The following CPPED1 variants were observed in gnomAD, a reference collection of about 807,000 sequenced individuals.
CPPED1 encodes calcineurin like phosphoesterase domain containing 1, also known as serine/threonine-protein phosphatase CPPED1.
A neutral mutation model predicts 28.0 loss-of-function variants in CPPED1; 28 were observed. The ratio of observed to expected loss-of-function variants is 1.00; its 90% CI spans 0.74 to 1.37. CPPED1 has a LOEUF of 1.37. Ranked by LOEUF, CPPED1 falls within the 40% of genes most tolerant of loss-of-function variation. The pLI, the probability that CPPED1 is intolerant of heterozygous loss-of-function variation, is 0.00. For synonymous variants in CPPED1, 198 were observed against 180.2 expected, an observed-to-expected ratio of 1.10 and a Z score of -0.79; for missense variants, 504 against 416.5, an observed-to-expected ratio of 1.21 and a Z score of -1.83.
At chr16:12,666,780 T>C (rs1375949453) in intron 3 of CPPED1, among the ~76,000 whole-genome samples, 1 of 152,242 alleles carries the variant, frequency 6.6e-6, no homozygotes, top group Non-Finnish European at 1.5e-5. Flanking sequence ...GAGTATTTAT[T>C]ACCTTTGCTT....
At chr16:12,702,726 G>A (rs1008513800) in intron 3 of CPPED1, among the ~76,000 whole-genome samples, 6 of 151,988 alleles carry the variant, frequency 3.9e-5, no homozygotes, top group South Asian at 2.1e-4. Flanking sequence ...GGCCAGCTGC[G>A]GTGGCTCACA....
chr16:12,705,490 G>C (rs1282861892), intron 2 of CPPED1, among the ~76,000 whole-genome samples: 2 of 152,192 alleles, frequency 1.3e-5, no homozygotes, highest in African/African-American at 4.8e-5. Flanking sequence ...GGGCGTGGTG[G>C]CTCATGCCTG....
At chr16:12,741,805 C>T (rs999116530) in intron 2 of CPPED1, among the ~76,000 whole-genome samples, 5 of 152,208 alleles carry the variant, frequency 3.3e-5, no homozygotes, top group Non-Finnish European at 7.3e-5. Flanking sequence ...AATCCCAGTT[C>T]TTTGGGAGGC....
At chr16:12,736,176 A>G (rs1235887003) in intron 2 of CPPED1, among the ~76,000 whole-genome samples, 2 of 152,078 alleles carry the variant, frequency 1.3e-5, no homozygotes, top group Non-Finnish European at 2.9e-5. Context: ...AGTGGGCTGT[A>G]GACTGTGTAG....
chr16:12,678,503 G>A (rs190450931), intron 3 of CPPED1, among the ~76,000 whole-genome samples: 22 of 152,254 alleles, frequency 1.4e-4, no homozygotes, highest in South Asian at 1.0e-3. Flanking sequence ...GGGAAATGCC[G>A]TATTAACATT....
intron 3 of CPPED1, among the ~76,000 whole-genome samples, chr16:12,669,440 G>A (rs746757931): frequency 5.3e-5 from 8 of 152,068 alleles, no homozygotes; most frequent in Admixed American, 6.6e-5. Context: ...ATATTAAAAC[G>A]ACTAAATTTG....
chr16:12,755,626 A>AT (rs2080361408), intron 2 of CPPED1, among the ~76,000 whole-genome samples: 1 of 152,162 alleles, frequency 6.6e-6, no homozygotes, highest in Non-Finnish European at 1.5e-5. Flanking sequence ...ATGTTAGGGC[A>AT]TTTTTGTGAT....
chr16:12,696,923 C>T (rs781647872), intron 3 of CPPED1, among the ~76,000 whole-genome samples: 14 of 152,128 alleles, frequency 9.2e-5, no homozygotes, highest in Admixed American at 5.9e-4. Flanking sequence ...TATAGGACCC[C>T]CTGCCCACCG....
chr16:12,688,176 G>A (rs2079943271), intron 3 of CPPED1, among the ~76,000 whole-genome samples: 1 of 151,554 alleles, frequency 6.6e-6, no homozygotes, highest in Non-Finnish European at 1.5e-5. Flanking sequence ...GACTACAGGT[G>A]CACACCACAA....
Position 12,704,956 on chromosome 16 carries a change from T to C in CPPED1, c.383A>G (p.His128Arg). Residue 128 changes from histidine (H) to arginine (R), a missense_variant, in exon 3 of 4, where the codon CAT becomes CGT. Physicochemically the swap from His to Arg is conservative, Grantham distance 29. Coordinates refer to ENST00000381774, the MANE Select transcript of CPPED1 (RefSeq NM_018340.3). ...AIPLVLVSGN[H>R]DIGNTPTAET... ...GGCCGTGGGGGTGTTGCCAATGTCA[T>C]GGTTGCCGCTGACAAGGACCAGTGG... is the stretch of plus-strand genomic sequence containing the variant. The C allele has an allele frequency of 1.2e-6, 2 of 1,614,178 alleles. No individual in the cohort carries two copies. Among genetic ancestry groups the C allele is most frequent in the South Asian group, 2.2e-5 (2 of 91,076 alleles).
At chr16:12,698,847 A>C (rs2080005730) in intron 3 of CPPED1, among the ~76,000 whole-genome samples, 1 of 152,210 alleles carries the variant, frequency 6.6e-6, no homozygotes. Context: ...ATGACTCATT[A>C]ACTTTTGCGG....
At chr16:12,734,562 G>T (rs1224492858) in intron 2 of CPPED1, among the ~76,000 whole-genome samples, 1 of 152,068 alleles carries the variant, frequency 6.6e-6, no homozygotes, top group East Asian at 1.9e-4. Context: ...TGGATTTTTA[G>T]TAGAGACGGG....
At chr16:12,786,802 C>T (rs990727995) in intron 1 of CPPED1, among the ~76,000 whole-genome samples, 30 of 152,224 alleles carry the variant, frequency 2.0e-4, no homozygotes, top group Admixed American at 9.8e-4. Context: ...GCCTGTAGTC[C>T]CAGCTACTCA....
At chr16:12,740,372 G>C (rs988517121) in intron 2 of CPPED1, among the ~76,000 whole-genome samples, 5 of 151,534 alleles carry the variant, frequency 3.3e-5, no homozygotes, top group Admixed American at 3.3e-4. Flanking sequence ...TTGAACCTGG[G>C]AGGCAGAGGT....
At chr16:12,701,583 G>A (rs2080020979) in intron 3 of CPPED1, among the ~76,000 whole-genome samples, 1 of 152,132 alleles carries the variant, frequency 6.6e-6, no homozygotes, top group African/African-American at 2.4e-5. Context: ...ACCAGAAGAG[G>A]CTGGAGGGGA....
rs2079788504 is a variant in CPPED1, at chr16:12,660,550, C to T, written c.*4336G>A. The stretch of plus-strand genomic sequence containing the variant: ...GTGTGTGTGTACTCATTAAAAAATA[C>T]ATAAGAGCTCCTCCATGGCTTGAGA... On this transcript the variant is annotated 3_prime_UTR_variant, in exon 4 of 4. Coordinates refer to ENST00000381774, the MANE Select transcript of CPPED1 (RefSeq NM_018340.3). 6.7e-6 allele frequency: 1 copy of T among 148,188 alleles called. No homozygotes were observed. The highest frequency in any genetic ancestry group is 1.5e-5 in the Non-Finnish European group (1 of 66,926). 9.2% of individuals were successfully genotyped at this position (148,188 alleles called of 1,614,324 possible).
chr16:12,796,659 T>C (rs1356362158), intron 1 of CPPED1, among the ~76,000 whole-genome samples: 2 of 152,040 alleles, frequency 1.3e-5, no homozygotes, highest in African/African-American at 4.8e-5. Flanking sequence ...CTTTGGAAAA[T>C]AGTTTGGTGG....
intron 3 of CPPED1, among the ~76,000 whole-genome samples, chr16:12,681,676 T>C (rs2141172456): frequency 6.6e-6 from 1 of 152,252 alleles, no homozygotes; most frequent in South Asian, 2.1e-4. Flanking sequence ...TTCATTAGGA[T>C]GTAAGTAGTT....
intron 1 of CPPED1, among the ~76,000 whole-genome samples, chr16:12,786,323 A>G (rs1428208630): frequency 6.6e-6 from 1 of 152,206 alleles, no homozygotes; most frequent in Non-Finnish European, 1.5e-5. Flanking sequence ...GCCTACATAC[A>G]ACTAACCAAG....
Sources: allele counts gnomAD v4.1 joint callset (sites outside exome capture counted in the v4.1 genomes callset), GRCh38; gene constraint gnomAD v4.1.1; transcripts MANE v1.5; gene names NCBI Gene and HGNC (gene_info 2026-07-23, HGNC 2026-07-21).